Variants in TBC1D2 observed in about 807,000 individuals in gnomAD.
The protein encoded by TBC1D2 is TBC1 domain family member 2.
In TBC1D2, 58 loss-of-function variants were observed where a neutral mutation model predicts 91.1. The observed-to-expected ratio is 0.64, with a 90% confidence interval of 0.52 to 0.79. The LOEUF (loss-of-function observed/expected upper bound fraction) is 0.79. Ranked by LOEUF, TBC1D2 falls within the 30% of genes least tolerant of loss-of-function variation. TBC1D2 has a pLI of 0.00. For missense variants in TBC1D2, 1,080 were observed against 1,208.3 expected (o/e 0.89, Z 1.57); for synonymous variants, 482 against 511.5 (o/e 0.94, Z 0.78).
chr9:98,209,352 G>C (rs1160971453), intron 8 of TBC1D2, among the ~76,000 whole-genome samples: 1 of 152,104 alleles, frequency 6.6e-6, no homozygotes, highest in Non-Finnish European at 1.5e-5. Context: ...GCCTCCTAAA[G>C]ACCCAACGAG....
intron 6 of TBC1D2, 114 bp from the exon 7 acceptor site, chr9:98,213,332 A>C: frequency 2.6e-6 from 4 of 1,516,808 alleles, no homozygotes; most frequent in Non-Finnish European, 2.7e-6. Context: ...ATTTCCAATA[A>C]TGGCAACAGA....
In TBC1D2 at chr9:98,201,381, A is replaced by G; in HGVS notation, c.2457+98T>C. On this transcript the variant is annotated intron_variant, in intron 11 of 12. Transcript: ENST00000465784. ...GAGACGTTCAACAGCTCTGACAAGT[A>G]AGCATTGTCTTCCCATTCTCCAGGG... 4 of 1,139,768 alleles carry G rather than the reference A, an allele frequency of 3.5e-6. No individual in the cohort carries two copies. The South Asian group carries it at 5.9e-5, about 17-fold the overall frequency. The allele number at this position is 1,139,768 out of a possible 1,614,324, so 70.6% of individuals were successfully genotyped here. A position where few individuals can be genotyped will look rare whatever the true frequency, so the allele number is the denominator to read the frequency against.
intron 3 of TBC1D2, among the ~76,000 whole-genome samples, chr9:98,233,825 A>G (rs530958030): frequency 2.6e-5 from 4 of 152,368 alleles, no homozygotes; most frequent in Non-Finnish European, 4.4e-5. Flanking sequence ...CAGCTGGAAT[A>G]TAAATGCCAT....
intron 2 of TBC1D2, among the ~76,000 whole-genome samples, chr9:98,245,651 T>C (rs1829749417): frequency 6.6e-6 from 1 of 152,162 alleles, no homozygotes; most frequent in South Asian, 2.1e-4. Context: ...ATCTTAACAG[T>C]GGTTTGAGCT....
At chr9:98,202,998 G>A (rs916800590) in intron 10 of TBC1D2, among the ~76,000 whole-genome samples, 2 of 152,270 alleles carry the variant, frequency 1.3e-5, no homozygotes, top group Non-Finnish European at 2.9e-5. Context: ...GTGACCAGGA[G>A]GTGATGGGTG....
At chr9:98,218,933 G>A (rs1246046982) in intron 6 of TBC1D2, among the ~76,000 whole-genome samples, 2 of 152,254 alleles carry the variant, frequency 1.3e-5, no homozygotes, top group African/African-American at 4.8e-5. Context: ...AAGCCGCCTG[G>A]CTGGGGGCAG....
At chr9:98,200,406 T>TG (rs747530577) in intron 11 of TBC1D2, 32 bp from the exon 12 acceptor site, 76 of 1,193,008 alleles carry the variant, frequency 6.4e-5, no homozygotes, top group Non-Finnish European at 7.3e-5. Flanking sequence ...AGGTAGGGCA[T>TG]GGGGGGGCCA....
chr9:98,227,127 C>G (rs1409977453), intron 5 of TBC1D2, among the ~76,000 whole-genome samples: 1 of 152,230 alleles, frequency 6.6e-6, no homozygotes, highest in East Asian at 1.9e-4. Flanking sequence ...GCCCTCTCAG[C>G]TCTCAGGAGC....
chr9:98,250,512 C>T (rs1252201693), intron 2 of TBC1D2, among the ~76,000 whole-genome samples: 1 of 152,054 alleles, frequency 6.6e-6, no homozygotes, highest in Non-Finnish European at 1.5e-5. Flanking sequence ...CAAAAATGGC[C>T]AGCACAGTGA....
At chr9:98,248,959 C>G (rs549436147) in intron 2 of TBC1D2, among the ~76,000 whole-genome samples, 1 of 152,148 alleles carries the variant, frequency 6.6e-6, no homozygotes, top group Non-Finnish European at 1.5e-5. Flanking sequence ...AGAGCAGTGA[C>G]GAGACACTTT....
intron 4 of TBC1D2, 145 bp downstream of exon 4, chr9:98,233,271 G>C: frequency 8.8e-7 from 1 of 1,139,382 alleles, no homozygotes; most frequent in Non-Finnish European, 1.2e-6. Context: ...AAGCCACGCA[G>C]TCTATGGTGT....
chr9:98,217,472 T>C (rs1203625030), intron 6 of TBC1D2, among the ~76,000 whole-genome samples: 2 of 152,124 alleles, frequency 1.3e-5, no homozygotes, highest in East Asian at 3.9e-4. Context: ...TGCCAGAAAA[T>C]GAGTGGGGCA....
At chr9:98,207,007 G>A (rs1271453866) in intron 9 of TBC1D2, among the ~76,000 whole-genome samples, 1 of 152,230 alleles carries the variant, frequency 6.6e-6, no homozygotes, top group African/African-American at 2.4e-5. Flanking sequence ...GAGAAGTACA[G>A]GGGCTTTTGT....
In TBC1D2 at chr9:98,220,899, A is replaced by G. The variant is rs756862020; in HGVS notation, c.1308T>C (p.Ser436=). ...TGTTGGCAGCGTCGGGGCGCAAAGG[A>G]GACTGGTCAGGGGGGTGCGTGAAGT... ...TQDFTHPPDQ[S]PLRPDAANRD... The change falls in exon 6 of 13, where the codon TCT becomes TCC. Residue 436 remains serine, a synonymous_variant. Coordinates refer to ENST00000465784, the MANE Select transcript of TBC1D2 (RefSeq NM_001267571.2). 1 of 1,614,072 alleles carries G rather than the reference A, an allele frequency of 6.2e-7. No individual in the cohort carries two copies. Among genetic ancestry groups the G allele is most frequent in the Admixed American group, 1.7e-5 (1 of 60,010 alleles).
At chr9:98,235,903 C>T (rs956871864) in intron 3 of TBC1D2, among the ~76,000 whole-genome samples, 4 of 151,932 alleles carry the variant, frequency 2.6e-5, no homozygotes, top group East Asian at 3.9e-4. Context: ...TGTGTGGTGG[C>T]GGGCACCTGT....
Position 98,255,606 on chromosome 9 carries a change from G to A in TBC1D2, c.-65C>T. On this transcript the variant is annotated 5_prime_UTR_variant, in exon 1 of 13. Coordinates refer to ENST00000465784, the MANE Select transcript of TBC1D2 (RefSeq NM_001267571.2). ...GGGACCACCAGGGACAAATCTCGGA[G>A]ACTCGGCGGGCAGCTTCCCAAAGGG... 7.0e-7 allele frequency: 1 copy of A among 1,420,544 alleles called. No individual in the cohort carries two copies. The highest frequency in any genetic ancestry group is 9.2e-7 in the Non-Finnish European group (1 of 1,091,326). The allele number at this position is 1,420,544 out of a possible 1,614,324, so 88.0% of individuals were successfully genotyped here. A position where few individuals can be genotyped will look rare whatever the true frequency, so the allele number is the denominator to read the frequency against.
chr9:98,201,704 C>A, intron 10 of TBC1D2, 40 bp from the exon 11 acceptor site: 1 of 1,570,066 alleles, frequency 6.4e-7, no homozygotes, highest in East Asian at 2.2e-5. Context: ...GCAGCCCCAG[C>A]GTAGGGCTGC....
chr9:98,232,342 G>GTTTTTTTTTTTTTTTTTTTTTTTTTTTT (rs753455224), intron 4 of TBC1D2, among the ~76,000 whole-genome samples: 1 of 86,774 alleles, frequency 1.2e-5, no homozygotes, highest in African/African-American at 4.6e-5. Flanking sequence ...CTCTTTTTCT[G>GTTTTTTTTTTTTTTTTTTTTTTTTTTTT]TTTTTTTTTT....
intron 2 of TBC1D2, among the ~76,000 whole-genome samples, 170 bp downstream of exon 2, chr9:98,251,615 C>T (rs1370092612): frequency 6.6e-6 from 1 of 152,178 alleles, no homozygotes; most frequent in Non-Finnish European, 1.5e-5. Context: ...AGGATTTGAA[C>T]CCAGGCAGCC....
Sources: gnomAD v4.1 joint callset for allele counts (sites outside exome capture counted in the v4.1 genomes callset) on GRCh38, gnomAD v4.1.1 for gene constraint, MANE v1.5 for transcripts, NCBI Gene and HGNC (gene_info 2026-07-23, HGNC 2026-07-21) for gene names.